Variants in TNKS observed in about 807,000 individuals in gnomAD.
The protein encoded by TNKS is poly [ADP-ribose] polymerase tankyrase-1.
In TNKS, 72 loss-of-function variants were observed where a neutral mutation model predicts 135.8. The ratio of observed to expected loss-of-function variants is 0.53; its 90% CI spans 0.44 to 0.64. The LOEUF is 0.64. TNKS is among the 30% of genes least tolerant of loss of function. The pLI is 0.00. For missense variants in TNKS, 1,769 were observed against 1,674.0 expected (o/e 1.06, Z -0.99); for synonymous variants, 849 against 649.3 (o/e 1.31, Z -4.68).
intron 25 of TNKS, among the ~76,000 whole-genome samples, chr8:9,766,983 C>G (rs544814839): frequency 1.3e-5 from 2 of 152,270 alleles, no homozygotes; most frequent in African/African-American, 2.4e-5. Context: ...CTCCCTGCAT[C>G]TTGGCTTTCT....
intron 5 of TNKS, among the ~76,000 whole-genome samples, chr8:9,700,102 G>T (rs549300220): frequency 6.6e-6 from 1 of 152,146 alleles, no homozygotes; most frequent in Admixed American, 6.5e-5. Context: ...TGCCTCTAGA[G>T]TGGTTTAGAC....
chr8:9,767,405 A>G (rs1282915496), intron 25 of TNKS, among the ~76,000 whole-genome samples: 1 of 152,216 alleles, frequency 6.6e-6, no homozygotes, highest in Non-Finnish European at 1.5e-5. Flanking sequence ...AAACTTACTT[A>G]CCAAATGCAT....
chr8:9,770,376 G>A lies in TNKS; in HGVS notation c.3897+114G>A, dbSNP rs763319910. 1.7e-5 allele frequency: 19 copies of A among 1,093,418 alleles called. No homozygotes were observed. In the East Asian group the frequency reaches 5.1e-4, roughly 29 times the overall value. 67.7% of individuals were successfully genotyped at this position (1,093,418 alleles called of 1,614,324 possible). Reference sequence around the variant, plus strand: ...GAAATATCCACCACACAGTGTGCTAGTATTAATTACTTCAGATACAAAATA... The same window carrying A: ...GAAATATCCACCACACAGTGTGCTAATATTAATTACTTCAGATACAAAATA... On this transcript the variant is annotated intron_variant, in intron 26 of 26. Transcript: ENST00000310430.
chr8:9,633,890 G>C (rs866267286), intron 3 of TNKS, among the ~76,000 whole-genome samples: 2 of 152,090 alleles, frequency 1.3e-5, no homozygotes, highest in South Asian at 2.1e-4. Flanking sequence ...CCCATGTATA[G>C]CTTGGCAGCA....
In TNKS at chr8:9,735,044, A is replaced by T; in HGVS notation, c.2493A>T (p.Arg831Ser). The change falls in exon 16 of 27, where the codon AGA becomes AGT. Residue 831 changes from arginine to serine, a missense_variant. Around this residue, in one of 5 missense-constraint regions of TNKS, gnomAD observed 722 missense variants for 688.9 expected, o/e 1.05. Transcript: ENST00000310430. ...GTACCCCAGAGAATATCAACTGCAG[A>T]GACACCCAGGGCAGAAATTCAACCC... The part of the protein sequence containing the change: ...KLCTPENINC[R>S]DTQGRNSTPL... The T allele has an allele frequency of 6.2e-7, 1 of 1,614,180 alleles. No homozygotes were observed. The highest frequency in any genetic ancestry group is 8.5e-7 in the Non-Finnish European group (1 of 1,180,020).
intron 11 of TNKS, among the ~76,000 whole-genome samples, chr8:9,714,920 C>A (rs1337016777): frequency 1.3e-5 from 2 of 152,178 alleles, no homozygotes; most frequent in Non-Finnish European, 2.9e-5. Flanking sequence ...GAAAGATCTA[C>A]TGAGAATTCA....
rs1265019790 is a variant in TNKS, at chr8:9,764,741, G to C, written c.3398G>C (p.Arg1133Thr). ...EEMQSTIREH[R>T]DGGNAGGIFN... ...ATGCAAAGTACTATTCGAGAACACA[G>C]AGATGGTGGTAATGCTGGCGGCATC... The change falls in exon 23 of 27, where the codon AGA (arginine) becomes ACA (threonine). Residue 1133 changes from arginine (R) to threonine (T), a missense_variant. Arg to Thr is a moderately conservative substitution (Grantham distance 71). This residue lies in a region of TNKS where 722 missense variants were observed against 688.9 expected (regional missense o/e 1.05). Transcript: ENST00000310430. 2 of 1,600,284 alleles carry C rather than the reference G, an allele frequency of 1.2e-6. No homozygotes were observed. Among genetic ancestry groups the C allele is most frequent in the East Asian group, 2.3e-5 (1 of 43,984 alleles).
chr8:9,594,804 C>T (rs1280987675), intron 2 of TNKS, among the ~76,000 whole-genome samples: 1 of 152,078 alleles, frequency 6.6e-6, no homozygotes. Flanking sequence ...ATGTATAAAT[C>T]TTAATTGCTT....
At chr8:9,717,313 T>C (rs570161937) in intron 11 of TNKS, among the ~76,000 whole-genome samples, 1 of 151,646 alleles carries the variant, frequency 6.6e-6, no homozygotes. Flanking sequence ...TCATTCCTCA[T>C]AGGAAGTGCT....
intron 12 of TNKS, among the ~76,000 whole-genome samples, chr8:9,724,031 G>A (rs1280098380): frequency 6.6e-6 from 1 of 152,142 alleles, no homozygotes; most frequent in Non-Finnish European, 1.5e-5. Flanking sequence ...GTCTATAAAA[G>A]ATGTTTTTAA....
chr8:9,724,810 G>T (rs1252650891), intron 12 of TNKS, among the ~76,000 whole-genome samples: 1 of 152,056 alleles, frequency 6.6e-6, no homozygotes, highest in South Asian at 2.1e-4. Flanking sequence ...ATTTGCTTAA[G>T]ACTTTTTGCT....
intron 5 of TNKS, among the ~76,000 whole-genome samples, chr8:9,691,674 C>G (rs1803278407): frequency 6.6e-6 from 1 of 152,146 alleles, no homozygotes; most frequent in South Asian, 2.1e-4. Context: ...AAGGTAGTTG[C>G]TGTATAAACA....
chr8:9,566,758 G>A (rs1402737553), intron 1 of TNKS, among the ~76,000 whole-genome samples: 3 of 151,286 alleles, frequency 2.0e-5, no homozygotes, highest in South Asian at 2.1e-4. Flanking sequence ...ACAGGCGCCC[G>A]CCACCGCGCC....
At position 9,735,401 on chromosome 8, in the gene TNKS, C is replaced by G; in HGVS notation, c.2558C>G (p.Ala853Gly). 1 of 1,613,902 alleles carries G rather than the reference C, an allele frequency of 6.2e-7. No individual in the cohort carries two copies. Among genetic ancestry groups the G allele is most frequent in the Non-Finnish European group, 8.5e-7 (1 of 1,179,950 alleles). Residue 853 changes from alanine to glycine, a missense_variant, in exon 17 of 27, where the codon GCT (alanine) becomes GGT (glycine). This residue lies in a region of TNKS where 722 missense variants were observed against 688.9 expected (regional missense o/e 1.05). Coordinates refer to ENST00000310430, the MANE Select transcript of TNKS (RefSeq NM_003747.3). The stretch of plus-strand genomic sequence containing the variant: ...GCAGGCTATAATAACCTGGAAGTAG[C>G]TGAATATCTTCTAGAGCATGGAGCT... ...LAAGYNNLEV[A>G]EYLLEHGADV...
In TNKS at chr8:9,747,465, C is replaced by T. The variant is rs577935033; in HGVS notation, c.2644-559C>T. ...GTCTGCTGCTAACATTTCCTCCACC[C>T]GGCAATCATTTAGACATAACAGACC... On this transcript the variant is annotated intron_variant, in intron 17 of 26. Transcript: ENST00000310430. 3.9e-5 allele frequency among the ~76,000 whole-genome samples: 6 copies of T among 152,242 alleles called. No homozygotes were observed. The South Asian group carries it at 8.3e-4, about 21-fold the overall frequency.
Position 9,598,729 on chromosome 8 carries a change from G to GTGTGTGTGTC in TNKS, c.899-16848_899-16847insGTGTCTGTGT, listed in dbSNP as rs777986624. ...TATGTGTGTGTGTGTGTGTGTGTGT[G>GTGTGTGTGTC]TGTGTCTGTGTGTGTATATATGTAT... On this transcript the variant is annotated intron_variant, in intron 2 of 26. Transcript: ENST00000310430. 1.3e-3 allele frequency among the ~76,000 whole-genome samples: 166 copies of GTGTGTGTGTC among 123,516 alleles called. 1 individual carries two copies. Among genetic ancestry groups the GTGTGTGTGTC allele is most frequent in the Middle Eastern group, 4.0e-3 (1 of 248 alleles). 81.0% of individuals were successfully genotyped at this position (123,516 alleles called of 152,430 possible).
rs570845570 is a variant in TNKS at position 9,656,544 on chromosome 8, G to A, written c.995-23407G>A. 4.1e-4 allele frequency among the ~76,000 whole-genome samples: 62 copies of A among 152,036 alleles called. 1 individual carries two copies. In the South Asian group the frequency reaches 9.2e-3, roughly 22 times the overall value. On this transcript the variant is annotated intron_variant, in intron 3 of 26. Coordinates refer to ENST00000310430, the MANE Select transcript of TNKS (RefSeq NM_003747.3). ...CCATCAGACTAACAGCTGATCTCTC[G>A]GCAGAAACTCTGCAAGCCAGAAGAG...
chr8:9,765,607 C>G, intron 23 of TNKS, 85 bp from the exon 24 acceptor site: 3 of 1,157,252 alleles, frequency 2.6e-6, no homozygotes, highest in Non-Finnish European at 3.7e-6. Flanking sequence ...AAAATTGAAC[C>G]TTCCTAAAAG....
At chr8:9,726,811 A>G in intron 13 of TNKS, 91 bp downstream of exon 13, 1 of 1,016,258 alleles carries the variant, frequency 9.8e-7, no homozygotes, top group African/African-American at 1.6e-5. Context: ...ACTCAAATAC[A>G]AACAGTAAAA....
Sources: gnomAD v4.1 joint callset for allele counts (sites outside exome capture counted in the v4.1 genomes callset) on GRCh38, gnomAD v4.1.1 for gene constraint, gnomAD v4.1.1 regional missense constraint, MANE v1.5 for transcripts, NCBI Gene and HGNC (gene_info 2026-07-23, HGNC 2026-07-21) for gene names.